MILR1: variants seen among roughly 807,000 people sequenced by gnomAD.
MILR1 encodes mast cell immunoglobulin like receptor 1.
Under a neutral mutation model 18.5 loss-of-function variants are expected in MILR1, and 31 were observed. The ratio of observed to expected loss-of-function variants is 1.68; its 90% CI spans 1.26 to 2.26. MILR1 has a LOEUF of 2.26. MILR1 is among the 30% of genes most tolerant of loss of function. The pLI is 0.00. For missense variants in MILR1, 257 were observed against 157.4 expected, an observed-to-expected ratio of 1.63 and a Z score of -3.38; for synonymous variants, 85 against 56.2, an observed-to-expected ratio of 1.51 and a Z score of -2.30.
chr17:64,496,425 G>T, the MILR1 span: 2 of 1,581,626 alleles, frequency 1.3e-6, no homozygotes, highest in Non-Finnish European at 1.7e-6. Context: ...AGGTTCTCCC[G>T]TAGTTTCCCA....
At chr17:64,476,813 C>A in the MILR1 span, among the ~76,000 whole-genome samples, 1 of 151,176 alleles carries the variant, frequency 6.6e-6, no homozygotes, top group Middle Eastern at 3.4e-3. Context: ...CATAGTGAGA[C>A]CCTGTCTCTA....
At chr17:64,483,798 A>G in the MILR1 span, among the ~76,000 whole-genome samples, 42,155 of 149,592 alleles carry the variant, frequency 0.28, 11,346 homozygotes, top group African/African-American at 0.71. Flanking sequence ...TGCAACCCCC[A>G]CCTCTGGGCT....
At chr17:64,467,080 T>C (rs376949591) in intron 8 of MILR1, among the ~76,000 whole-genome samples, 12 of 146,918 alleles carry the variant, frequency 8.2e-5, no homozygotes, top group African/African-American at 2.9e-4. Context: ...CTCTCTCTCT[T>C]TCTTTTTCTC....
At chr17:64,473,088 G>A (rs1555664913), downstream of MILR1, among the ~76,000 whole-genome samples, 2 of 151,952 alleles carry the variant, frequency 1.3e-5, no homozygotes, top group African/African-American at 2.4e-5. Flanking sequence ...GGTGGCTCAC[G>A]CCTGTAATCC....
the MILR1 span, chr17:64,480,379 C>T: frequency 6.6e-7 from 1 of 1,524,132 alleles, no homozygotes; most frequent in Non-Finnish European, 9.1e-7. Context: ...ATTAAATAGC[C>T]CTTGACAAAC....
chr17:64,464,339 G>A (rs1273501590), intron 5 of MILR1, among the ~76,000 whole-genome samples: 2 of 149,012 alleles, frequency 1.3e-5, no homozygotes, highest in African/African-American at 5.0e-5. Flanking sequence ...TGAACTCCTG[G>A]ACTCAAACCA....
At chr17:64,452,091 T>TTG (rs2144003742) in intron 2 of MILR1, among the ~76,000 whole-genome samples, 1 of 151,244 alleles carries the variant, frequency 6.6e-6, no homozygotes, top group South Asian at 2.1e-4. Context: ...TGTTTTTTTT[T>TTG]TTTTTTGTTC....
intron 3 of MILR1, among the ~76,000 whole-genome samples, chr17:64,453,535 G>A (rs7222084): frequency 0.059 from 7,404 of 125,658 alleles, 708 homozygotes; most frequent in African/African-American, 0.21. Flanking sequence ...GGCAAAAATC[G>A]CTTTTTTTTT....
Position 64,460,859 on chromosome 17 carries a change from T to C in MILR1, c.690T>C (p.Leu230=), listed in dbSNP as rs2037415843. ...GTCCTTTCTGTCTGAAGCTACTACT[T>C]CCAGGGTTATTACTGTTGCTGGTGG... is the stretch of plus-strand genomic sequence containing the variant. The part of the protein sequence containing the change: ...DSCPFCLKLL[L]PGLLLLLVVI... The change falls in exon 5 of 10, where the codon CTT becomes CTC. Residue 230 remains leucine (L), a synonymous_variant. Coordinates refer to ENST00000619286, the MANE Select transcript of MILR1 (RefSeq NM_001085423.2). The C allele has an allele frequency of 4.2e-6, 2 of 475,118 alleles. No individual in the cohort carries two copies. Among genetic ancestry groups the C allele is most frequent in the Non-Finnish European group, 7.7e-6 (2 of 258,922 alleles). The allele number at this position is 475,118 out of a possible 1,614,324, so 29.4% of individuals were successfully genotyped here.
the MILR1 span, among the ~76,000 whole-genome samples, chr17:64,476,321 T>C: frequency 5.3e-5 from 8 of 152,118 alleles, no homozygotes; most frequent in Admixed American, 5.2e-4. Context: ...GATAATAGTG[T>C]GGTTATTAAC....
At chr17:64,457,371 C>G (rs1480896964) in intron 3 of MILR1, 29 bp from the exon 4 acceptor site, 1 of 472,272 alleles carries the variant, frequency 2.1e-6, no homozygotes, top group Non-Finnish European at 3.9e-6. Context: ...GTCTGTTTAT[C>G]CTTTTCATGT....
chr17:64,463,958 G>C lies in MILR1; in HGVS notation c.764-1494G>C, dbSNP rs915541500. On this transcript the variant is annotated intron_variant, in intron 5 of 9. Coordinates refer to ENST00000619286, the MANE Select transcript of MILR1 (RefSeq NM_001085423.2). Reference sequence around the variant, plus strand: ...CCTGCCTCAGCATCCTGAGTAGCTGGGATTACAGGCGCCCACCACCACGCT... The same window carrying C: ...CCTGCCTCAGCATCCTGAGTAGCTGCGATTACAGGCGCCCACCACCACGCT... Among the ~76,000 whole-genome samples, 18 of 151,346 alleles carry C rather than the reference G, an allele frequency of 1.2e-4. No homozygotes were observed. In the East Asian group the frequency reaches 1.4e-3, roughly 11 times the overall value.
chr17:64,497,123 G>C, the MILR1 span: 1 of 768,898 alleles, frequency 1.3e-6, no homozygotes, highest in South Asian at 1.5e-5. Flanking sequence ...GCGCATGTCT[G>C]CGTTCCGGCC....
the MILR1 span, chr17:64,491,522 G>C: frequency 6.5e-7 from 1 of 1,527,518 alleles, no homozygotes; most frequent in Non-Finnish European, 9.0e-7. Context: ...AAAAAACCAA[G>C]ATGGAGTCAG....
the MILR1 span, among the ~76,000 whole-genome samples, chr17:64,486,361 C>T: frequency 5.7e-5 from 8 of 141,324 alleles, no homozygotes; most frequent in African/African-American, 2.0e-4. Flanking sequence ...AAAGGTAACA[C>T]TTTTTTTTTT....
At chr17:64,467,095 T>TTTTC (rs377659887) in intron 8 of MILR1, among the ~76,000 whole-genome samples, 13 of 151,454 alleles carry the variant, frequency 8.6e-5, no homozygotes, top group African/African-American at 3.1e-4. Flanking sequence ...TTTCTCTTTC[T>TTTTC]TTTCTTTCTT....
chr17:64,484,683 A>G, the MILR1 span, among the ~76,000 whole-genome samples: 1 of 152,118 alleles, frequency 6.6e-6, no homozygotes, highest in African/African-American at 2.4e-5. Context: ...GTGGAGTGTA[A>G]GAAAAAGAAA....
At chr17:64,483,037 G>T in the MILR1 span, 1 of 1,011,094 alleles carries the variant, frequency 9.9e-7, no homozygotes. Flanking sequence ...AGACAGGAAA[G>T]GGGAAAAAGC....
intron 4 of MILR1, among the ~76,000 whole-genome samples, chr17:64,459,012 G>A (rs985556370): frequency 1.3e-5 from 2 of 152,088 alleles, no homozygotes; most frequent in African/African-American, 2.4e-5. Flanking sequence ...GGGGCAGCCC[G>A]GGACTTCAGT....
Sources: gnomAD v4.1 joint callset for allele counts (sites outside exome capture counted in the v4.1 genomes callset) on GRCh38, gnomAD v4.1.1 for gene constraint, MANE v1.5 for transcripts, NCBI Gene and HGNC (gene_info 2026-07-23, HGNC 2026-07-21) for gene names.